Variants in SSUH2 observed in about 807,000 individuals in gnomAD.
SSUH2 encodes ssu-2 homolog.
In SSUH2, 47 loss-of-function variants were observed where a neutral mutation model predicts 55.3. That is an observed-to-expected ratio of 0.85 (90% CI 0.67 to 1.08). SSUH2 has a LOEUF of 1.08. Ranked by LOEUF, SSUH2 falls within the 50% of genes least tolerant of loss-of-function variation. The pLI, the probability that SSUH2 is intolerant of heterozygous loss-of-function variation, is 0.00. For synonymous variants in SSUH2, 212 were observed against 191.5 expected (o/e 1.11, Z -0.89); for missense variants, 535 against 490.7 (o/e 1.09, Z -0.85).
At chr3:8,663,936 T>G (rs765537285) in intron 5 of SSUH2, 6 of 426,310 alleles carry the variant, frequency 1.4e-5, no homozygotes, top group Non-Finnish European at 2.4e-5. Context: ...AATATTTTCC[T>G]TGGTTAGACA....
chr3:8,633,884 G>A, intron 3 of SSUH2, 89 bp from the exon 4 acceptor site: 1 of 1,614,000 alleles, frequency 6.2e-7, no homozygotes, highest in East Asian at 2.2e-5. Context: ...GTGCAGGCGA[G>A]AAACTGAGGC....
rs146426699 is a variant in SSUH2, at chr3:8,677,222, A to T, written c.-769T>A. On this transcript the variant is annotated 5_prime_UTR_variant, in exon 3 of 19. Transcript: ENST00000317371. The stretch of plus-strand genomic sequence containing the variant: ...TGGACCCACCTGGAGGACTGTGGGT[A>T]TTAGGTGTCCAAGAAGAAATCTCAG... 561 of 152,066 alleles carry T rather than the reference A, an allele frequency of 3.7e-3. 15 individuals are homozygous for T. Among genetic ancestry groups the T allele is most frequent in the Non-Finnish European group, 6.0e-3 (414 of 68,564 alleles). The allele number at this position is 152,066 out of a possible 1,614,324, so 9.4% of individuals were successfully genotyped here.
intron 3 of SSUH2, 180 bp from the exon 4 acceptor site, chr3:8,633,975 G>A (rs201848737): frequency 3.7e-5 from 60 of 1,608,828 alleles, no homozygotes; most frequent in African/African-American, 2.1e-4. Context: ...GGTGCCCAGC[G>A]TGAGAACGGG....
At position 8,633,922 on chromosome 3, in the gene SSUH2, C is replaced by G. The variant is rs112741642; in HGVS notation, c.210-127G>C. 2.9e-5 allele frequency: 46 copies of G among 1,613,988 alleles called. 1 individual carries two copies. In the African/African-American group the frequency reaches 4.8e-4, roughly 17 times the overall value. On this transcript the variant is annotated intron_variant, in intron 3 of 11. Coordinates refer to ENST00000544814, the MANE Select transcript of SSUH2 (RefSeq NM_001256748.3). Reference sequence around the variant, plus strand: ...CGGTAGTGGTAAAGCCCTCAGCAGTCCAACTGGGGAGGGCATCTCCTGCAA... The same window carrying G: ...CGGTAGTGGTAAAGCCCTCAGCAGTGCAACTGGGGAGGGCATCTCCTGCAA...
chr3:8,675,569 C>G (rs2131623), intron 3 of SSUH2, among the ~76,000 whole-genome samples: 134,586 of 152,236 alleles, frequency 0.88, 59,711 homozygotes, highest in East Asian at 1. Flanking sequence ...TTTACTATCC[C>G]ACAGGGGTCG....
chr3:8,641,325 G>A (rs1398807820), intron 1 of SSUH2, among the ~76,000 whole-genome samples: 1 of 152,186 alleles, frequency 6.6e-6, no homozygotes, highest in Non-Finnish European at 1.5e-5. Context: ...TCCCAGCAAT[G>A]ACCACAGCAC....
chr3:8,625,649 TGGAG>T lies in SSUH2; in HGVS notation c.768-6_768-3del, dbSNP rs1697382252. On this transcript the variant is annotated splice_region_variant and splice_polypyrimidine_tract_variant and intron_variant, in intron 9 of 11. Coordinates refer to ENST00000544814, the MANE Select transcript of SSUH2 (RefSeq NM_001256748.3). ...ACAAACTCAAACAAGCTGTTCTTCC[TGGAG>T]GGAAGGAGGATGAGGGATGAAAGCA... is the stretch of plus-strand genomic sequence containing the variant. 1 of 1,602,498 alleles carries T rather than the reference TGGAG, an allele frequency of 6.2e-7. No individual in the cohort carries two copies. Among genetic ancestry groups the T allele is most frequent in the African/African-American group, 1.3e-5 (1 of 74,646 alleles).
intron 3 of SSUH2, among the ~76,000 whole-genome samples, chr3:8,672,300 A>G (rs575100738): frequency 1.7e-4 from 26 of 151,870 alleles, no homozygotes; most frequent in African/African-American, 6.3e-4. Flanking sequence ...GGCTGTACAC[A>G]CCCTGTGCTA....
At chr3:8,632,006 C>A (rs1019377908) in intron 5 of SSUH2, 43 bp downstream of exon 5, 8 of 1,525,764 alleles carry the variant, frequency 5.2e-6, no homozygotes, top group Non-Finnish European at 7.3e-6. Flanking sequence ...AGCACCCTGA[C>A]TTATTTGCCC....
At chr3:8,644,678 A>G in intron 1 of SSUH2, 53 bp downstream of exon 1, 1 of 1,493,562 alleles carries the variant, frequency 6.7e-7, no homozygotes, top group Non-Finnish European at 9.0e-7. Flanking sequence ...CTTCAAATGC[A>G]GGCTAAAATA....
At chr3:8,656,587 G>A (rs1702955439) in intron 7 of SSUH2, among the ~76,000 whole-genome samples, 1 of 152,148 alleles carries the variant, frequency 6.6e-6, no homozygotes, top group Non-Finnish European at 1.5e-5. Context: ...GACGGGGAGC[G>A]AGGAAGACAC....
chr3:8,637,854 T>C (rs1700172170), intron 1 of SSUH2, among the ~76,000 whole-genome samples: 1 of 152,150 alleles, frequency 6.6e-6, no homozygotes, highest in Non-Finnish European at 1.5e-5. Context: ...GTTTGTTTGT[T>C]TGTTTGTTTG....
rs1039901323 is a variant in SSUH2 at position 8,640,921 on chromosome 3, A to G, written c.28+3810T>C. Among the ~76,000 whole-genome samples, 3 of 152,238 alleles carry G rather than the reference A, an allele frequency of 2.0e-5. No homozygotes were observed. The South Asian group carries it at 6.2e-4, about 32-fold the overall frequency. ...TGTCAATATTTTTCAATTATTTGAA[A>G]TATGAAATTAATGCTTCTTAGAAAG... On this transcript the variant is annotated intron_variant, in intron 1 of 11. Coordinates refer to ENST00000544814, the MANE Select transcript of SSUH2 (RefSeq NM_001256748.3).
chr3:8,645,175 G>T (rs1203263371), upstream of SSUH2, among the ~76,000 whole-genome samples: 3 of 152,206 alleles, frequency 2.0e-5, no homozygotes, highest in Non-Finnish European at 4.4e-5. Context: ...TAGGGCGCAT[G>T]CAGAAAAAGG....
At chr3:8,669,236 C>G (rs1253878222) in intron 5 of SSUH2, among the ~76,000 whole-genome samples, 1 of 152,174 alleles carries the variant, frequency 6.6e-6, no homozygotes, top group Non-Finnish European at 1.5e-5. Context: ...CCTAAAAGAG[C>G]TCCCAGTGGC....
rs373272615 is a variant in SSUH2 at position 8,676,492 on chromosome 3, T to C, written c.-753+714A>G. Among the ~76,000 whole-genome samples, 127 of 150,996 alleles carry C rather than the reference T, an allele frequency of 8.4e-4. 5 individuals are homozygous for C. The South Asian group carries it at 0.021, about 25-fold the overall frequency. ...ATACATGTAGTCATATCACCCCCTC[T>C]GCCTTGGAATATTATTAAGGACCAT... On this transcript the variant is annotated intron_variant, in intron 3 of 18. Transcript: ENST00000317371.
intron 3 of SSUH2, among the ~76,000 whole-genome samples, chr3:8,674,782 C>T (rs1200579048): frequency 5.3e-5 from 8 of 152,186 alleles, no homozygotes; most frequent in South Asian, 2.1e-4. Context: ...ATGACCCTTA[C>T]GGTCCCCCGA....
At chr3:8,680,483 C>T (rs371626376) in intron 1 of SSUH2, among the ~76,000 whole-genome samples, 44 of 152,186 alleles carry the variant, frequency 2.9e-4, no homozygotes, top group African/African-American at 1.0e-3. Flanking sequence ...ATATCATCCT[C>T]TTCCTCCCTG....
chr3:8,663,847 T>C (rs1234531300), intron 5 of SSUH2: 1 of 456,730 alleles, frequency 2.2e-6, no homozygotes, highest in Non-Finnish European at 4.4e-6. Context: ...TTCTTAGTAA[T>C]GATGCGTGTC....
Sources: gnomAD v4.1 joint callset for allele counts (sites outside exome capture counted in the v4.1 genomes callset) on GRCh38, gnomAD v4.1.1 for gene constraint, MANE v1.5 for transcripts, NCBI Gene and HGNC (gene_info 2026-07-23, HGNC 2026-07-21) for gene names.